Variants in XIRP2 observed in about 807,000 individuals in gnomAD.
XIRP2 encodes xin actin binding repeat containing 2.
In XIRP2, 236 loss-of-function variants were observed where a neutral mutation model predicts 277.0. The observed-to-expected ratio is 0.85, with a 90% CI of 0.77 to 0.95. The LOEUF is 0.95. Among genes scored for constraint, XIRP2 ranks in the 40% least tolerant of loss-of-function variants. The pLI is 0.00. For missense variants in XIRP2, 4,640 were observed against 4,157.5 expected (o/e 1.12, Z -3.19); for synonymous variants, 1,490 against 1,416.5 (o/e 1.05, Z -1.17).
intron 2 of XIRP2, among the ~76,000 whole-genome samples, chr2:166,907,572 C>G (rs999919168): frequency 6.6e-6 from 1 of 151,788 alleles, no homozygotes; most frequent in African/African-American, 2.4e-5. Context: ...CATCTCTCCT[C>G]CTCAGGTAGG....
chr2:167,231,608 A>G lies in XIRP2; in HGVS notation c.859-8247A>G, dbSNP rs75869524. Among the ~76,000 whole-genome samples the G allele has an allele frequency of 1.7e-3, 255 of 151,518 alleles. 11 individuals are homozygous for G. The East Asian group carries it at 0.047, about 28-fold the overall frequency. On this transcript the variant is annotated intron_variant, in intron 5 of 10. Coordinates refer to ENST00000409195, the MANE Select transcript of XIRP2 (RefSeq NM_152381.6). The stretch of plus-strand genomic sequence containing the variant: ...CATCAAAACCATTTTCTATTCTACC[A>G]CCCAATGAGGTCGAACCAGCCACCA...
Position 167,243,211 on chromosome 2 carries a change from G to A in XIRP2, c.1819G>A (p.Glu607Lys). The change falls in exon 9 of 11, where the codon GAA (glutamate) becomes AAA (lysine). Residue 607 changes from glutamate to lysine, a missense_variant. Transcript: ENST00000409195. ...TATTTCCAGGGGCATTGCTGATCAAGAAATCATTGCTGGTGGTGATGTGAA... is the reference window on the plus strand; with the variant it reads ...TATTTCCAGGGGCATTGCTGATCAAAAAATCATTGCTGGTGGTGATGTGAA... ...GDISRGIADQ[E>K]IIAGGDVKYT... 6.2e-7 allele frequency: 1 copy of A among 1,614,100 alleles called. No homozygotes were observed. The highest frequency in any genetic ancestry group is 1.1e-5 in the South Asian group (1 of 91,070).
Position 167,218,235 on chromosome 2 carries a change from G to A in XIRP2, c.793G>A (p.Glu265Lys), listed in dbSNP as rs184246616. Residue 265 changes from glutamate to lysine, a missense_variant, in exon 5 of 11, where the codon GAA becomes AAA. Transcript: ENST00000409195. The part of the protein sequence containing the change: ...LAKVKKQFED[E>K]ITSSRNTFAQ... Reference sequence around the variant, plus strand: ...CAAGGTGAAGAAACAATTTGAGGACGAAATTACTTCTTCCCGTAATACCTT... The same window carrying A: ...CAAGGTGAAGAAACAATTTGAGGACAAAATTACTTCTTCCCGTAATACCTT... 5.6e-4 allele frequency: 901 copies of A among 1,608,136 alleles called. 4 individuals are homozygous for A. In the African/African-American group the frequency reaches 9.7e-3, roughly 17 times the overall value.
intron 2 of XIRP2, among the ~76,000 whole-genome samples, chr2:166,926,258 G>A (rs1258436264): frequency 1.3e-5 from 2 of 152,046 alleles, no homozygotes; most frequent in Admixed American, 6.6e-5. Context: ...TTTTAAAAAT[G>A]TTTTCCTGTC....
At position 167,084,889 on chromosome 2, in the gene XIRP2, C is replaced by A. The variant is rs1329017822; in HGVS notation, c.409-51020C>A. ...CACTTTTGTTGATCCTTTCAAAAAA[C>A]CAGCTCCTGGATTCATTAATTTTTT... On this transcript the variant is annotated intron_variant, in intron 2 of 10. Coordinates refer to ENST00000409195, the MANE Select transcript of XIRP2 (RefSeq NM_152381.6). 6.6e-5 allele frequency among the ~76,000 whole-genome samples: 10 copies of A among 151,696 alleles called. No individual in the cohort carries two copies. The East Asian group carries it at 1.9e-3, about 29-fold the overall frequency.
At chr2:166,930,786 C>G (rs1685315165) in intron 2 of XIRP2, among the ~76,000 whole-genome samples, 1 of 152,120 alleles carries the variant, frequency 6.6e-6, no homozygotes, top group African/African-American at 2.4e-5. Context: ...TTTTCTTCCA[C>G]TCTAGACTTT....
At chr2:167,095,636 A>G (rs1378628903) in intron 2 of XIRP2, among the ~76,000 whole-genome samples, 1 of 152,058 alleles carries the variant, frequency 6.6e-6, no homozygotes, top group East Asian at 1.9e-4. Flanking sequence ...GCATATGTTG[A>G]ACGAGCCTTG....
chr2:167,013,242 C>G (rs565908154), intron 2 of XIRP2, among the ~76,000 whole-genome samples: 13 of 151,278 alleles, frequency 8.6e-5, no homozygotes, highest in African/African-American at 2.9e-4. Flanking sequence ...ATCAGATGCT[C>G]CTTGATGTTC....
At chr2:166,962,484 A>T (rs1686324098) in intron 2 of XIRP2, among the ~76,000 whole-genome samples, 1 of 151,770 alleles carries the variant, frequency 6.6e-6, no homozygotes, top group South Asian at 2.1e-4. Context: ...GGAGAGGCAG[A>T]AAAAATGCCT....
chr2:166,964,895 A>G (rs1686389765), intron 2 of XIRP2, among the ~76,000 whole-genome samples: 1 of 151,722 alleles, frequency 6.6e-6, no homozygotes, highest in South Asian at 2.1e-4. Context: ...TTGTGCTTGT[A>G]ACCCAAAGGT....
intron 3 of XIRP2, among the ~76,000 whole-genome samples, chr2:167,189,792 C>G (rs966476273): frequency 6.6e-6 from 1 of 152,122 alleles, no homozygotes; most frequent in African/African-American, 2.4e-5. Context: ...ACTGGCTGTC[C>G]TACAGTTCAA....
At chr2:167,172,593 A>C (rs1692729164) in intron 3 of XIRP2, among the ~76,000 whole-genome samples, 2 of 152,236 alleles carry the variant, frequency 1.3e-5, no homozygotes, top group Admixed American at 6.5e-5. Context: ...TCTCTTTCTC[A>C]GGGCTGTTCC....
intron 2 of XIRP2, among the ~76,000 whole-genome samples, chr2:167,130,061 C>G (rs562721065): frequency 6.6e-6 from 1 of 152,158 alleles, no homozygotes; most frequent in Admixed American, 6.5e-5. Context: ...GGAACTGCCT[C>G]TCCATAATCA....
At chr2:167,072,885 T>C (rs1689469976) in intron 2 of XIRP2, among the ~76,000 whole-genome samples, 1 of 152,158 alleles carries the variant, frequency 6.6e-6, no homozygotes, top group South Asian at 2.1e-4. Flanking sequence ...TTGCATAAAG[T>C]GTATAAAACA....
At chr2:167,040,667 G>T (rs1277783443) in intron 2 of XIRP2, among the ~76,000 whole-genome samples, 1 of 152,120 alleles carries the variant, frequency 6.6e-6, no homozygotes, top group Non-Finnish European at 1.5e-5. Context: ...TGTTGGTCAG[G>T]GCACGGCTAT....
chr2:167,140,059 C>A (rs1691666538), intron 3 of XIRP2, among the ~76,000 whole-genome samples: 1 of 151,650 alleles, frequency 6.6e-6, no homozygotes, highest in Admixed American at 6.6e-5. Context: ...TTCATGTTGG[C>A]AAAATAGATA....
chr2:166,997,044 T>C (rs975599867), intron 2 of XIRP2, among the ~76,000 whole-genome samples: 1 of 152,222 alleles, frequency 6.6e-6, no homozygotes, highest in African/African-American at 2.4e-5. Context: ...AAGTTTTCTT[T>C]GTGTTGCTTA....
At chr2:167,118,664 T>A (rs1026448136) in intron 2 of XIRP2, among the ~76,000 whole-genome samples, 2 of 152,074 alleles carry the variant, frequency 1.3e-5, no homozygotes, top group Admixed American at 6.6e-5. Flanking sequence ...CAGACCATCA[T>A]CAGATAATGC....
At chr2:167,008,435 A>G (rs773564425) in intron 2 of XIRP2, among the ~76,000 whole-genome samples, 1 of 151,606 alleles carries the variant, frequency 6.6e-6, no homozygotes, top group South Asian at 2.1e-4. Context: ...TTATGAAGCC[A>G]TAAAATTCTG....
Sources: allele counts gnomAD v4.1 joint callset (sites outside exome capture counted in the v4.1 genomes callset), GRCh38; gene constraint gnomAD v4.1.1; transcripts MANE v1.5; gene names NCBI Gene and HGNC (gene_info 2026-07-23, HGNC 2026-07-21).